The following GABRA3 variants were observed in gnomAD, a reference collection of about 807,000 sequenced individuals.
The protein encoded by GABRA3 is gamma-aminobutyric acid type A receptor subunit alpha3.
GABRA3 carries 10 observed loss-of-function variants against 30.1 expected under a neutral mutation model. The observed-to-expected ratio is 0.33, with a 90% confidence interval of 0.20 to 0.56. GABRA3 has a LOEUF of 0.56. GABRA3 is among the 20% of genes least tolerant of loss of function. The pLI is 0.89. For missense variants in GABRA3, 233 were observed against 392.0 expected (o/e 0.59, Z 3.42); for synonymous variants, 151 against 146.8 (o/e 1.03, Z -0.21).
chrX:152,207,672 C>T (rs1006972423), intron 7 of GABRA3, among the ~76,000 whole-genome samples: 3 of 111,695 alleles, frequency 2.7e-5, no homozygotes, highest in Non-Finnish European at 5.6e-5. Flanking sequence ...TCAGCTCTTC[C>T]CCCACCATGG....
At chrX:152,424,364 A>G (rs1312066719) in intron 1 of GABRA3, among the ~76,000 whole-genome samples, 1 of 110,640 alleles carries the variant, frequency 9.0e-6, no homozygotes, top group Non-Finnish European at 1.9e-5. Flanking sequence ...AAGCCATTAC[A>G]AACTCACTCT....
chrX:152,427,037 C>T (rs937994119), intron 1 of GABRA3, among the ~76,000 whole-genome samples: 4 of 111,609 alleles, frequency 3.6e-5, no homozygotes, highest in Non-Finnish European at 7.5e-5. Flanking sequence ...CTCACAATAA[C>T]CCAATACGGC....
chrX:152,243,129 T>C (rs1938408505), intron 5 of GABRA3, among the ~76,000 whole-genome samples: 1 of 111,784 alleles, frequency 8.9e-6, no homozygotes, highest in South Asian at 3.8e-4. Flanking sequence ...CTCTACAATC[T>C]CATTTATATG....
At chrX:152,441,919 A>C (rs189004801) in intron 1 of GABRA3, among the ~76,000 whole-genome samples, 65 of 111,982 alleles carry the variant, frequency 5.8e-4, no homozygotes, top group African/African-American at 2.0e-3. Flanking sequence ...AGCATCAGGA[A>C]TATCTCTTAA....
intron 7 of GABRA3, among the ~76,000 whole-genome samples, chrX:152,203,312 A>G (rs1394540806): frequency 8.9e-6 from 1 of 112,001 alleles, no homozygotes; most frequent in Admixed American, 9.5e-5. Context: ...GTCTTTCTAC[A>G]GAAAACTAGG....
chrX:152,179,987 C>T (rs1937124178), intron 9 of GABRA3, among the ~76,000 whole-genome samples: 1 of 112,030 alleles, frequency 8.9e-6, no homozygotes, highest in Admixed American at 9.5e-5. Context: ...GTTGATTACA[C>T]ATATTGGCTT....
intron 4 of GABRA3, among the ~76,000 whole-genome samples, chrX:152,258,886 C>A (rs777774552): frequency 3.6e-5 from 4 of 111,617 alleles, no homozygotes; most frequent in Non-Finnish European, 3.8e-5. Context: ...TATACACACA[C>A]AAAAAAGTAC....
intron 7 of GABRA3, among the ~76,000 whole-genome samples, chrX:152,199,320 C>G (rs1398448348): frequency 9.7e-6 from 1 of 103,435 alleles, no homozygotes; most frequent in Admixed American, 1.0e-4. Flanking sequence ...GAGCCAAGGT[C>G]GTGCCACTGC....
chrX:152,306,106 G>A (rs142587340), intron 3 of GABRA3, among the ~76,000 whole-genome samples: 229 of 112,053 alleles, frequency 2.0e-3, no homozygotes, highest in African/African-American at 7.2e-3. Flanking sequence ...ACATGATCAC[G>A]GTAATGCAAA....
Position 152,197,774 on chromosome X carries a change from C to G in GABRA3, c.790G>C (p.Val264Leu). 1 of 1,206,728 alleles carries G rather than the reference C, an allele frequency of 8.3e-7. No individual in the cohort carries two copies. The highest frequency in any genetic ancestry group is 3.0e-5 in the East Asian group (1 of 33,743). The change falls in exon 8 of 10, where the codon GTC becomes CTC. Residue 264 changes from valine (V) to leucine (L), a missense_variant. Coordinates refer to ENST00000370314, the MANE Select transcript of GABRA3 (RefSeq NM_000808.4). ...IIRSSTGEYV[V>L]MTTHFHLKRK... is the part of the protein sequence containing the mutation. ...TTGAGATGGAAGTGGGTTGTCATGA[C>G]GACATATTCTCCTAAAGAGAGAGTA...
intron 1 of GABRA3, among the ~76,000 whole-genome samples, chrX:152,371,310 T>C (rs1203521121): frequency 1.8e-5 from 2 of 111,611 alleles, no homozygotes; most frequent in African/African-American, 6.5e-5. Flanking sequence ...CTTCTTATTT[T>C]ACCAAGCAAT....
intron 1 of GABRA3, among the ~76,000 whole-genome samples, chrX:152,432,751 A>G (rs1327346399): frequency 9.0e-6 from 1 of 111,650 alleles, no homozygotes; most frequent in East Asian, 2.8e-4. Flanking sequence ...AAAAGATGAA[A>G]GCTATAAAAA....
chrX:152,238,529 A>C (rs1204699071), intron 5 of GABRA3, among the ~76,000 whole-genome samples: 278 of 104,864 alleles, frequency 2.7e-3, no homozygotes, highest in Non-Finnish European at 4.5e-3. Flanking sequence ...GGGAGGATTC[A>C]CTCTTTTTCT....
At chrX:152,263,936 G>A (rs1177857094) in intron 4 of GABRA3, among the ~76,000 whole-genome samples, 2 of 111,709 alleles carry the variant, frequency 1.8e-5, no homozygotes, top group Non-Finnish European at 3.8e-5. Context: ...CATATTTAAA[G>A]TACTGAAGTA....
chrX:152,267,631 A>G (rs1232558632), intron 4 of GABRA3, among the ~76,000 whole-genome samples: 2 of 111,333 alleles, frequency 1.8e-5, no homozygotes, highest in Non-Finnish European at 3.8e-5. Flanking sequence ...TGCAGCCATC[A>G]GGTCCTGGGT....
chrX:152,447,104 G>A (rs1931108012), intron 1 of GABRA3, among the ~76,000 whole-genome samples: 1 of 51,834 alleles, frequency 1.9e-5, no homozygotes, highest in African/African-American at 7.6e-5. Context: ...TACTATAGTT[G>A]TTTGTCTATT....
At chrX:152,233,555 T>A (rs1390278882) in intron 5 of GABRA3, among the ~76,000 whole-genome samples, 2 of 110,047 alleles carry the variant, frequency 1.8e-5, no homozygotes, top group Non-Finnish European at 3.8e-5. Flanking sequence ...CAATGGGTAC[T>A]GGAGAGGATG....
chrX:152,260,778 A>C (rs1938715934), intron 4 of GABRA3, among the ~76,000 whole-genome samples: 1 of 111,431 alleles, frequency 9.0e-6, no homozygotes, highest in Non-Finnish European at 1.9e-5. Context: ...GGTACAAACA[A>C]GCCCAGACTG....
At chrX:152,345,140 C>A (rs1333837859) in intron 3 of GABRA3, among the ~76,000 whole-genome samples, 1 of 111,120 alleles carries the variant, frequency 9.0e-6, no homozygotes, top group Non-Finnish European at 1.9e-5. Context: ...ACACCAGTCA[C>A]CCAGGCAGGT....
Sources: gnomAD v4.1 joint callset for allele counts (sites outside exome capture counted in the v4.1 genomes callset) on GRCh38, gnomAD v4.1.1 for gene constraint, MANE v1.5 for transcripts, NCBI Gene and HGNC (gene_info 2026-07-23, HGNC 2026-07-21) for gene names.